The following GVQW3 variants were observed in gnomAD, a reference collection of about 807,000 sequenced individuals.
GVQW3 encodes the protein protein GVQW3.
In GVQW3, 7 loss-of-function variants were observed where a neutral mutation model predicts 12.5. The ratio of observed to expected loss-of-function variants is 0.56; its 90% confidence interval spans 0.32 to 1.05. GVQW3 has a LOEUF of 1.05. Ranked by LOEUF, GVQW3 falls within the 50% of genes least tolerant of loss-of-function variation. The pLI, the probability that GVQW3 is intolerant of heterozygous loss-of-function variation, is 0.04. For missense variants in GVQW3, 188 were observed against 190.8 expected (o/e 0.99, Z 0.09); for synonymous variants, 71 against 67.2 (o/e 1.06, Z -0.28).
chr11:76,398,530 C>T (rs1946960316), intron 1 of GVQW3, among the ~76,000 whole-genome samples: 1 of 152,140 alleles, frequency 6.6e-6, no homozygotes, highest in Admixed American at 6.5e-5. Context: ...CCAGGGTGAT[C>T]TCGAACTCCT....
intron 1 of GVQW3, among the ~76,000 whole-genome samples, chr11:76,393,144 T>C (rs1590819250): frequency 6.6e-6 from 1 of 152,212 alleles, no homozygotes; most frequent in East Asian, 1.9e-4. Context: ...GAAGTTGGTT[T>C]CCAATGCATA....
Position 76,382,087 on chromosome 11 carries a change from C to A in GVQW3, c.259C>A (p.Gln87Lys), listed in dbSNP as rs1207211345. ...KVKDLVCSNR[Q>K]LTVRMMAEEL... ...CAAGGACTTGGTTTGTTCAAACAGG[C>A]AGTTAACCGTGAGGATGATGGCTGA... is the stretch of plus-strand genomic sequence containing the variant. The change falls in exon 1 of 2, where the codon CAG (glutamine) becomes AAG (lysine). Residue 87 changes from glutamine (Q) to lysine (K), a missense_variant. Physicochemically the swap from Gln to Lys is moderately conservative, Grantham distance 53. Coordinates refer to ENST00000529331, the MANE Select transcript of GVQW3 (RefSeq NM_001347885.2). 4.6e-6 allele frequency: 7 copies of A among 1,536,454 alleles called. No individual in the cohort carries two copies. Among genetic ancestry groups the A allele is most frequent in the Non-Finnish European group, 5.2e-6 (6 of 1,147,014 alleles).
chr11:76,387,346 G>T (rs1946844790), intron 1 of GVQW3, among the ~76,000 whole-genome samples: 1 of 152,022 alleles, frequency 6.6e-6, no homozygotes. Flanking sequence ...TGAGGCAGGA[G>T]AATTGCTTGA....
chr11:76,410,427 CTGTTT>C (rs1714473977), downstream of GVQW3, among the ~76,000 whole-genome samples: 1 of 107,350 alleles, frequency 9.3e-6, no homozygotes, highest in Non-Finnish European at 2.1e-5. Flanking sequence ...GGAAAAGGGT[CTGTTT>C]TGTTTTTTTT....
chr11:76,411,313 G>C (rs1212274989), downstream of GVQW3: 2 of 152,368 alleles, frequency 1.3e-5, no homozygotes, highest in Non-Finnish European at 2.9e-5. Context: ...GAGTCCTAGA[G>C]GCCTCTAGCG....
intron 1 of GVQW3, among the ~76,000 whole-genome samples, chr11:76,396,393 C>G (rs1336901179): frequency 6.6e-6 from 1 of 152,058 alleles, no homozygotes; most frequent in Non-Finnish European, 1.5e-5. Context: ...CAGCTCACTG[C>G]AAACTACGCT....
chr11:76,395,073 GCT>G (rs1430613602), intron 1 of GVQW3: 3 of 152,210 alleles, frequency 2.0e-5, no homozygotes, highest in Non-Finnish European at 4.4e-5. Flanking sequence ...GCGTGGAACT[GCT>G]CAATAAATGT....
chr11:76,399,475 T>G (rs531533986), intron 1 of GVQW3, among the ~76,000 whole-genome samples: 1 of 152,298 alleles, frequency 6.6e-6, no homozygotes, highest in African/African-American at 2.4e-5. Flanking sequence ...TTTCTCCAGT[T>G]TTGGAAAATT....
chr11:76,381,756 A>G lies in GVQW3; in HGVS notation c.-73A>G. The G allele has an allele frequency of 4.5e-6, 6 of 1,323,468 alleles. No homozygotes were observed. Among genetic ancestry groups the G allele is most frequent in the South Asian group, 1.5e-5 (1 of 65,538 alleles). The allele number at this position is 1,323,468 out of a possible 1,614,324, so 82.0% of individuals were successfully genotyped here. A position where few individuals can be genotyped will look rare whatever the true frequency, so the allele number is the denominator to read the frequency against. ...GCGATATGATTACACCTGCAGCCCT[A>G]TAAAGATTGATCTGTCCGTCTTTCC... On this transcript the variant is annotated 5_prime_UTR_variant, in exon 1 of 2. Coordinates refer to ENST00000529331, the MANE Select transcript of GVQW3 (RefSeq NM_001347885.2).
chr11:76,382,331 A>G (rs1207987873), intron 1 of GVQW3, 38 bp downstream of exon 1: 10 of 1,329,802 alleles, frequency 7.5e-6, no homozygotes, highest in Non-Finnish European at 7.3e-6. Context: ...CTCCAGGGTG[A>G]AGCTGGTGGG....
At chr11:76,403,314 T>A (rs1008541520) in intron 1 of GVQW3, among the ~76,000 whole-genome samples, 1 of 152,214 alleles carries the variant, frequency 6.6e-6, no homozygotes, top group Non-Finnish European at 1.5e-5. Context: ...AGGAGATGTA[T>A]GTAAATAGAT....
At chr11:76,409,528 T>C (rs1451944928), downstream of GVQW3, among the ~76,000 whole-genome samples, 1 of 152,168 alleles carries the variant, frequency 6.6e-6, no homozygotes, top group East Asian at 1.9e-4. Flanking sequence ...TGTCAGGATG[T>C]AGTTCAAGCA....
rs1233440430 is a variant in GVQW3, at chr11:76,382,055, A to C, written c.227A>C (p.Gln76Pro). 1 of 1,536,496 alleles carries C rather than the reference A, an allele frequency of 6.5e-7. No individual in the cohort carries two copies. Among genetic ancestry groups the C allele is most frequent in the South Asian group, 1.2e-5 (1 of 84,066 alleles). The change falls in exon 1 of 2, where the codon CAG becomes CCG. Residue 76 changes from glutamine to proline, a missense_variant. Coordinates refer to ENST00000529331, the MANE Select transcript of GVQW3 (RefSeq NM_001347885.2). Reference protein sequence around the residue: ...PVTHRTDDNIQKVKDLVCSNR... With the variant: ...PVTHRTDDNIPKVKDLVCSNR... ...ACCCACCGAACAGATGACAATATCC[A>C]GAAGGTCAAGGACTTGGTTTGTTCA...
At chr11:76,391,711 T>C (rs774579982) in intron 1 of GVQW3, among the ~76,000 whole-genome samples, 1 of 152,074 alleles carries the variant, frequency 6.6e-6, no homozygotes. Context: ...CTCAGCACTT[T>C]GGGAGGCTGA....
intron 1 of GVQW3, among the ~76,000 whole-genome samples, chr11:76,394,019 C>T (rs1400842753): frequency 6.6e-6 from 1 of 152,122 alleles, no homozygotes; most frequent in Non-Finnish European, 1.5e-5. Flanking sequence ...GTGCTTCAGC[C>T]TCCCGAGTAG....
rs1947041677 is a variant in GVQW3, at chr11:76,406,692, A to C, written c.*2934A>C. ...ATTTTCAAATAAAAAAGAAATGTTT[A>C]AAGCAGTGGAAGCACTGTTTAAATA... On this transcript the variant is annotated 3_prime_UTR_variant, in exon 2 of 2. Transcript: ENST00000529331. 1 of 152,242 alleles carries C rather than the reference A, an allele frequency of 6.6e-6. No homozygotes were observed. The highest frequency in any genetic ancestry group is 2.4e-5 in the African/African-American group (1 of 41,468). The allele number at this position is 152,242 out of a possible 1,614,324, so 9.4% of individuals were successfully genotyped here.
chr11:76,395,699 G>T (rs899670063), intron 1 of GVQW3, among the ~76,000 whole-genome samples: 3 of 152,086 alleles, frequency 2.0e-5, no homozygotes, highest in Non-Finnish European at 2.9e-5. Context: ...GGGTCTTTTT[G>T]ATATCTTCCA....
intron 1 of GVQW3, among the ~76,000 whole-genome samples, chr11:76,396,490 T>G (rs747082918): frequency 6.6e-6 from 1 of 151,952 alleles, no homozygotes; most frequent in African/African-American, 2.4e-5. Context: ...AATTTTGTAT[T>G]TTTTTGTAGG....
downstream of GVQW3, among the ~76,000 whole-genome samples, chr11:76,410,609 G>A (rs920379295): frequency 2.0e-5 from 3 of 152,196 alleles, no homozygotes; most frequent in Non-Finnish European, 4.4e-5. Flanking sequence ...TTCATAGGAT[G>A]GTGATGGGCT....
Sources: allele counts gnomAD v4.1 joint callset (sites outside exome capture counted in the v4.1 genomes callset), GRCh38; gene constraint gnomAD v4.1.1; transcripts MANE v1.5; gene names NCBI Gene and HGNC (gene_info 2026-07-23, HGNC 2026-07-21).